SYNPR: variants seen among roughly 807,000 people sequenced by gnomAD.
SYNPR encodes synaptoporin.
In SYNPR, 23 loss-of-function variants were observed where a neutral mutation model predicts 32.9. That is an observed-to-expected ratio of 0.70 (90% CI 0.50 to 0.99). The LOEUF (loss-of-function observed/expected upper bound fraction) is 0.99, where lower values mean the gene tolerates loss of function less well. Ranked by LOEUF, SYNPR falls within the 50% of genes least tolerant of loss-of-function variation. SYNPR has a pLI of 0.00. For synonymous variants in SYNPR, 146 were observed against 135.9 expected (o/e 1.07, Z -0.52); for missense variants, 318 against 349.3 (o/e 0.91, Z 0.71).
intron 2 of SYNPR, among the ~76,000 whole-genome samples, chr3:63,463,594 T>C (rs956269138): frequency 7.2e-5 from 11 of 152,192 alleles, no homozygotes; most frequent in Non-Finnish European, 1.6e-4. Flanking sequence ...CTTGAATCTC[T>C]GGGTTGGTCT....
At chr3:63,340,556 A>G (rs1340067037) in intron 2 of SYNPR, among the ~76,000 whole-genome samples, 1 of 148,902 alleles carries the variant, frequency 6.7e-6, no homozygotes, top group African/African-American at 2.5e-5. Flanking sequence ...AGTAGCTGGG[A>G]CTACAGGCGC....
chr3:63,228,833 ACTT>A (rs148333854), intron 1 of SYNPR, among the ~76,000 whole-genome samples: 320 of 152,106 alleles, frequency 2.1e-3, no homozygotes, highest in African/African-American at 7.2e-3. Context: ...AAACAATCAA[ACTT>A]CTAGTTTTGC....
intron 4 of SYNPR, among the ~76,000 whole-genome samples, chr3:63,595,803 ATATATATATATAGTTT>A (rs1699940842): frequency 5.9e-5 from 3 of 51,180 alleles, no homozygotes; most frequent in Admixed American, 2.8e-4. Flanking sequence ...ATATATAGTT[ATATATATATATAGTTT>A]TATATATATA....
intron 3 of SYNPR, among the ~76,000 whole-genome samples, chr3:63,550,495 T>A (rs1437471144): frequency 6.6e-6 from 1 of 151,960 alleles, no homozygotes; most frequent in East Asian, 1.9e-4. Flanking sequence ...GTAATTTTTT[T>A]TGTCTTATAC....
intron 2 of SYNPR, among the ~76,000 whole-genome samples, chr3:63,390,291 T>A (rs981463017): frequency 2.6e-5 from 4 of 152,082 alleles, no homozygotes; most frequent in Admixed American, 6.6e-5. Context: ...GAACACACCC[T>A]CTAAATGGTA....
intron 2 of SYNPR, among the ~76,000 whole-genome samples, chr3:63,440,323 G>A (rs1306160578): frequency 6.6e-6 from 1 of 152,182 alleles, no homozygotes; most frequent in Non-Finnish European, 1.5e-5. Context: ...CAAAAAGATA[G>A]ATGAGAGGTA....
At chr3:63,520,955 C>T (rs1247752756) in intron 3 of SYNPR, among the ~76,000 whole-genome samples, 1 of 152,062 alleles carries the variant, frequency 6.6e-6, no homozygotes, top group Non-Finnish European at 1.5e-5. Flanking sequence ...AATGTTTGCA[C>T]ATTTGTGTCC....
rs549168973 is a variant in SYNPR at position 63,495,921 on chromosome 3, A to G, written c.209+14965A>G. The stretch of plus-strand genomic sequence containing the variant: ...TCTCCAAGCCCACAGAATGTACAGC[A>G]TCAAGAGTGAGCCCAGATATGAACT... On this transcript the variant is annotated intron_variant, in intron 3 of 5. Transcript: ENST00000478300. Among the ~76,000 whole-genome samples the G allele has an allele frequency of 2.7e-5, 4 of 150,630 alleles. No homozygotes were observed. The South Asian group carries it at 6.4e-4, about 24-fold the overall frequency.
chr3:63,459,742 C>T (rs909292061), intron 2 of SYNPR, among the ~76,000 whole-genome samples: 6 of 152,062 alleles, frequency 3.9e-5, no homozygotes, highest in East Asian at 1.9e-4. Flanking sequence ...TTAGGGGCCC[C>T]GGAAAGGAAT....
chr3:63,351,899 T>A (rs2087515242), intron 2 of SYNPR, among the ~76,000 whole-genome samples: 1 of 152,172 alleles, frequency 6.6e-6, no homozygotes, highest in Non-Finnish European at 1.5e-5. Flanking sequence ...TACTGAGAAC[T>A]GCTAAAGAAT....
At chr3:63,509,054 A>T (rs1174729265) in intron 3 of SYNPR, among the ~76,000 whole-genome samples, 1 of 151,926 alleles carries the variant, frequency 6.6e-6, no homozygotes, top group African/African-American at 2.4e-5. Flanking sequence ...TTAAAGTCCC[A>T]GTTCTTCCAA....
chr3:63,555,728 T>A (rs903192453), intron 3 of SYNPR, among the ~76,000 whole-genome samples: 2 of 152,056 alleles, frequency 1.3e-5, no homozygotes, highest in Non-Finnish European at 2.9e-5. Context: ...ATTTACTCAG[T>A]GCCTAAAAAA....
At chr3:63,356,374 T>C (rs921619487) in intron 2 of SYNPR, among the ~76,000 whole-genome samples, 3 of 152,250 alleles carry the variant, frequency 2.0e-5, no homozygotes, top group African/African-American at 7.2e-5. Context: ...TGTCCACCAA[T>C]ATCATGGCAT....
intron 2 of SYNPR, among the ~76,000 whole-genome samples, chr3:63,468,104 G>T (rs558563209): frequency 6.8e-6 from 1 of 147,986 alleles, no homozygotes; most frequent in Non-Finnish European, 1.5e-5. Flanking sequence ...TGAGGCAGGA[G>T]AATTGCTTGA....
intron 2 of SYNPR, among the ~76,000 whole-genome samples, chr3:63,446,532 G>A (rs1217278225): frequency 1.3e-5 from 2 of 152,054 alleles, no homozygotes; most frequent in African/African-American, 2.4e-5. Context: ...TTTATAGGGG[G>A]AAAATGCAAC....
At chr3:63,557,955 G>C (rs919665628) in intron 4 of SYNPR, among the ~76,000 whole-genome samples, 1 of 152,224 alleles carries the variant, frequency 6.6e-6, no homozygotes, top group African/African-American at 2.4e-5. Flanking sequence ...AGTGTTAGGA[G>C]GCAGTGCTTT....
At chr3:63,551,311 C>A (rs532911256) in intron 3 of SYNPR, among the ~76,000 whole-genome samples, 2 of 152,096 alleles carry the variant, frequency 1.3e-5, no homozygotes, top group Non-Finnish European at 2.9e-5. Context: ...TTTATTCATT[C>A]GTCAGTTAAT....
At position 63,400,116 on chromosome 3, in the gene SYNPR, C is replaced by T. The variant is rs541742695; in HGVS notation, c.85-80716C>T. Among the ~76,000 whole-genome samples, 9 of 152,298 alleles carry T rather than the reference C, an allele frequency of 5.9e-5. No homozygotes were observed. In the South Asian group the frequency reaches 1.9e-3, roughly 32 times the overall value. The stretch of plus-strand genomic sequence containing the variant: ...CTATAGATGCACAAAGAAAAGAATG[C>T]TGATATTTGTATGAAAATAAGATTT... On this transcript the variant is annotated intron_variant, in intron 2 of 5. Coordinates refer to ENST00000478300, the MANE Select transcript of SYNPR (RefSeq NM_001130003.2).
At chr3:63,298,199 C>G (rs929156756) in intron 2 of SYNPR, among the ~76,000 whole-genome samples, 1 of 152,136 alleles carries the variant, frequency 6.6e-6, no homozygotes, top group African/African-American at 2.4e-5. Flanking sequence ...TTGGCCTACA[C>G]TCAGGAATGA....
Sources: gnomAD v4.1 joint callset for allele counts (sites outside exome capture counted in the v4.1 genomes callset) on GRCh38, gnomAD v4.1.1 for gene constraint, MANE v1.5 for transcripts, NCBI Gene and HGNC (gene_info 2026-07-23, HGNC 2026-07-21) for gene names.